Variants in CTNNA1 observed in about 807,000 individuals in gnomAD.
The protein encoded by CTNNA1 is catenin alpha 1, also known as catenin alpha-1.
In CTNNA1, 37 loss-of-function variants were observed where a neutral mutation model predicts 98.4. That is an observed-to-expected ratio of 0.38 (90% confidence interval 0.29 to 0.49). The LOEUF (loss-of-function observed/expected upper bound fraction) is 0.49, where lower values mean the gene tolerates loss of function less well. CTNNA1 is among the 20% of genes least tolerant of loss of function. The probability of loss-of-function intolerance (pLI) is 0.95; values close to 1 mark genes in which losing one functional copy is unlikely to be tolerated. For missense variants in CTNNA1, 761 were observed against 1,147.2 expected (o/e 0.66, Z 4.86); for synonymous variants, 404 against 413.2 (o/e 0.98, Z 0.27).
intron 7 of CTNNA1, among the ~76,000 whole-genome samples, chr5:138,834,300 C>T (rs1193024846): frequency 1.3e-5 from 2 of 151,904 alleles, no homozygotes; most frequent in African/African-American, 2.4e-5. Context: ...TGTCCATAAT[C>T]CCACCACTCA....
At chr5:138,889,671 A>C (rs1462155773) in intron 9 of CTNNA1, among the ~76,000 whole-genome samples, 3 of 98,922 alleles carry the variant, frequency 3.0e-5, no homozygotes, top group South Asian at 3.8e-4. Flanking sequence ...GGTGTTCCCC[A>C]TCACAGCTCA....
chr5:138,931,502 A>G (rs796559049), intron 16 of CTNNA1: 1 of 734,662 alleles, frequency 1.4e-6, no homozygotes, highest in African/African-American at 1.9e-5. Flanking sequence ...CATCTAGGCC[A>G]CAGGATGTGT....
chr5:138,829,014 C>T (rs930811074), intron 7 of CTNNA1, among the ~76,000 whole-genome samples: 1 of 152,006 alleles, frequency 6.6e-6, no homozygotes, highest in African/African-American at 2.4e-5. Context: ...CTCAGCTACT[C>T]GGGAGGCTGA....
At chr5:138,931,011 TAA>T in intron 16 of CTNNA1, 76 bp downstream of exon 16, 1 of 911,706 alleles carries the variant, frequency 1.1e-6, no homozygotes, top group Non-Finnish European at 1.8e-6. Flanking sequence ...CCATTCAGGG[TAA>T]GTTTCATGGG....
intron 2 of CTNNA1, 68 bp from the exon 3 acceptor site, chr5:138,783,109 C>A: frequency 8.3e-7 from 1 of 1,208,690 alleles, no homozygotes; most frequent in Non-Finnish European, 1.1e-6. Context: ...CTTAATCTTG[C>A]TGTCTTTAAA....
chr5:138,932,157 A>G (rs1276274167), intron 16 of CTNNA1: 7 of 995,646 alleles, frequency 7.0e-6, no homozygotes, highest in Non-Finnish European at 8.4e-6. Flanking sequence ...TTGTTTACTT[A>G]GCTAAAAACA....
At chr5:138,796,557 A>AG (rs1554080629) in intron 3 of CTNNA1, among the ~76,000 whole-genome samples, 1 of 65,638 alleles carries the variant, frequency 1.5e-5, no homozygotes, top group Non-Finnish European at 2.9e-5. Context: ...AAAAAAAAAA[A>AG]AAGTAGTAGG....
At chr5:138,795,089 G>T (rs1346790360) in intron 3 of CTNNA1, among the ~76,000 whole-genome samples, 1 of 146,598 alleles carries the variant, frequency 6.8e-6, no homozygotes, top group Non-Finnish European at 1.5e-5. Context: ...GGTGAAGCTT[G>T]CAATAAGCCA....
At chr5:138,755,737 G>C (rs1197719233) in intron 1 of CTNNA1, among the ~76,000 whole-genome samples, 1 of 151,920 alleles carries the variant, frequency 6.6e-6, no homozygotes, top group African/African-American at 2.4e-5. Context: ...GGTGTCCCAG[G>C]CTTCTCAAAC....
intron 7 of CTNNA1, among the ~76,000 whole-genome samples, chr5:138,844,323 T>C (rs950499910): frequency 1.3e-5 from 2 of 152,170 alleles, no homozygotes; most frequent in Admixed American, 1.3e-4. Flanking sequence ...AAGTTCTGTC[T>C]TGTATAGTAC....
intron 1 of CTNNA1, among the ~76,000 whole-genome samples, chr5:138,779,341 A>G (rs1163261735): frequency 1.3e-5 from 2 of 152,092 alleles, no homozygotes; most frequent in African/African-American, 4.8e-5. Context: ...GGTCTTAAGG[A>G]TATTTATTTA....
intron 11 of CTNNA1, 87 bp downstream of exon 11, chr5:138,917,985 T>A: frequency 1.6e-6 from 2 of 1,288,126 alleles, no homozygotes. Flanking sequence ...CACTGCTATG[T>A]CTTGGCAGGT....
chr5:138,881,257 G>T (rs1244804585), intron 7 of CTNNA1: 4 of 380,604 alleles, frequency 1.1e-5, no homozygotes, highest in Non-Finnish European at 1.6e-5. Context: ...AAGAATTTGG[G>T]AATACAGGAC....
chr5:138,753,491 G>A lies in CTNNA1; in HGVS notation c.-22G>A, dbSNP rs1166016803. 1.3e-5 allele frequency: 5 copies of A among 379,010 alleles called. No individual in the cohort carries two copies. Among genetic ancestry groups the A allele is most frequent in the Non-Finnish European group, 2.3e-5 (5 of 213,292 alleles). The allele number at this position is 379,010 out of a possible 1,614,324, so 23.5% of individuals were successfully genotyped here. On this transcript the variant is annotated 5_prime_UTR_variant, in exon 1 of 18. Transcript: ENST00000302763. ...CTGCTTCGGGCCTCTGGAATTTAGC[G>A]CTCGCCCAGCTAGCCGCAGGTAACT...
At chr5:138,757,055 G>C (rs1751740379) in intron 1 of CTNNA1, among the ~76,000 whole-genome samples, 1 of 151,808 alleles carries the variant, frequency 6.6e-6, no homozygotes, top group Non-Finnish European at 1.5e-5. Context: ...AATCAACCAG[G>C]CATGGTGACA....
At chr5:138,915,704 TATAAC>T (rs1273883839) in intron 10 of CTNNA1, among the ~76,000 whole-genome samples, 1 of 152,200 alleles carries the variant, frequency 6.6e-6, no homozygotes, top group African/African-American at 2.4e-5. Context: ...GGCATGGTAA[TATAAC>T]AGAATCTTAT....
intron 7 of CTNNA1, among the ~76,000 whole-genome samples, chr5:138,854,894 A>G (rs1763585193): frequency 2.6e-5 from 4 of 152,204 alleles, no homozygotes; most frequent in Admixed American, 2.6e-4. Flanking sequence ...TTTTCACTGA[A>G]CTCACATCTT....
chr5:138,788,845 A>G (rs2149673083), intron 3 of CTNNA1, among the ~76,000 whole-genome samples: 1 of 152,348 alleles, frequency 6.6e-6, no homozygotes, highest in East Asian at 1.9e-4. Context: ...ACAGTGTTTT[A>G]TAATCCATTA....
intron 7 of CTNNA1, among the ~76,000 whole-genome samples, chr5:138,832,217 T>A (rs753078999): frequency 8.5e-5 from 13 of 152,174 alleles, no homozygotes; most frequent in Non-Finnish European, 1.9e-4. Flanking sequence ...GATGAAGAGT[T>A]GGTAGGTAGT....
Sources: allele counts gnomAD v4.1 joint callset (sites outside exome capture counted in the v4.1 genomes callset), GRCh38; gene constraint gnomAD v4.1.1; transcripts MANE v1.5; gene names NCBI Gene and HGNC (gene_info 2026-07-23, HGNC 2026-07-21).